PALM2AKAP2: variants seen among roughly 807,000 people sequenced by gnomAD.
The protein encoded by PALM2AKAP2 is PALM2-AKAP2 fusion protein.
In PALM2AKAP2, 37 loss-of-function variants were observed where a neutral mutation model predicts 71.5. The ratio of observed to expected loss-of-function variants is 0.52; its 90% CI spans 0.40 to 0.68. The LOEUF is 0.68. PALM2AKAP2 is among the 30% of genes least tolerant of loss of function. The pLI, the probability that PALM2AKAP2 is intolerant of heterozygous loss-of-function variation, is 0.00. For missense variants in PALM2AKAP2, 1,224 were observed against 1,191.8 expected (o/e 1.03, Z -0.40); for synonymous variants, 468 against 478.8 (o/e 0.98, Z 0.29).
intron 6 of PALM2AKAP2, among the ~76,000 whole-genome samples, chr9:109,991,942 G>A (rs892505296): frequency 2.0e-5 from 3 of 152,288 alleles, no homozygotes; most frequent in South Asian, 2.1e-4. Context: ...GCTCAGTGTC[G>A]AGAAGAACAT....
chr9:110,012,750 TCTC>T (rs913375137), intron 6 of PALM2AKAP2, among the ~76,000 whole-genome samples: 13 of 152,314 alleles, frequency 8.5e-5, no homozygotes, highest in Non-Finnish European at 1.5e-4. Flanking sequence ...ATGTCTCACA[TCTC>T]CTTCTTATGG....
chr9:109,736,024 A>C (rs748540863), intron 1 of PALM2AKAP2, among the ~76,000 whole-genome samples: 3 of 152,208 alleles, frequency 2.0e-5, no homozygotes, highest in Non-Finnish European at 2.9e-5. Flanking sequence ...TCCCAGCATA[A>C]GAAAGTTGCC....
At chr9:110,075,914 T>G (rs576976651) in intron 1 of PALM2AKAP2, among the ~76,000 whole-genome samples, 1 of 152,102 alleles carries the variant, frequency 6.6e-6, no homozygotes, top group Non-Finnish European at 1.5e-5. Context: ...TTTCTGAACC[T>G]TCTAAAAATA....
At chr9:109,791,464 G>C (rs753531046) in intron 1 of PALM2AKAP2, among the ~76,000 whole-genome samples, 1 of 152,126 alleles carries the variant, frequency 6.6e-6, no homozygotes, top group African/African-American at 2.4e-5. Context: ...AGTGGAGGGA[G>C]CCTTTTCCAG....
intron 3 of PALM2AKAP2, among the ~76,000 whole-genome samples, chr9:109,913,773 T>C (rs1345867677): frequency 1.3e-5 from 2 of 149,564 alleles, no homozygotes; most frequent in Non-Finnish European, 3.0e-5. Context: ...TTTTTTTTTT[T>C]TGAGACGGAG....
chr9:109,917,486 T>C (rs1830720739), intron 3 of PALM2AKAP2, among the ~76,000 whole-genome samples: 1 of 125,566 alleles, frequency 8.0e-6, no homozygotes. Context: ...CTCCTTTCCT[T>C]TTTTTTTTTT....
chr9:110,124,478 G>A (rs374065969), intron 1 of PALM2AKAP2, among the ~76,000 whole-genome samples: 18 of 152,180 alleles, frequency 1.2e-4, no homozygotes, highest in African/African-American at 3.6e-4. Context: ...AGTTCTGCCC[G>A]TAAGTTATGC....
chr9:109,699,090 G>T (rs1828015380), intron 1 of PALM2AKAP2, among the ~76,000 whole-genome samples: 1 of 152,164 alleles, frequency 6.6e-6, no homozygotes, highest in East Asian at 1.9e-4. Context: ...GGCAAGTCGT[G>T]CTTAAAAATA....
intron 1 of PALM2AKAP2, among the ~76,000 whole-genome samples, chr9:110,055,014 C>T (rs919449729): frequency 2.0e-5 from 3 of 152,166 alleles, no homozygotes; most frequent in African/African-American, 7.2e-5. Context: ...CCGCCCCTAC[C>T]CGCCAGCTGC....
At chr9:109,641,298 G>A (rs1315005915) in intron 1 of PALM2AKAP2, among the ~76,000 whole-genome samples, 2 of 152,222 alleles carry the variant, frequency 1.3e-5, no homozygotes, top group Admixed American at 6.5e-5. Context: ...GCGGTTCAGT[G>A]TGAAGCGTGT....
chr9:109,879,569 C>T (rs1829800017), intron 2 of PALM2AKAP2, among the ~76,000 whole-genome samples: 1 of 152,166 alleles, frequency 6.6e-6, no homozygotes, highest in Non-Finnish European at 1.5e-5. Flanking sequence ...TTTCAACATG[C>T]TTTTTTCTGG....
At chr9:110,038,746 C>T (rs943925883) in intron 7 of PALM2AKAP2, among the ~76,000 whole-genome samples, 5 of 151,534 alleles carry the variant, frequency 3.3e-5, no homozygotes, top group African/African-American at 1.2e-4. Context: ...CGAGACTGGC[C>T]TGTCCAACAT....
chr9:110,005,280 G>A (rs932405155), intron 6 of PALM2AKAP2, among the ~76,000 whole-genome samples: 2 of 152,210 alleles, frequency 1.3e-5, no homozygotes, highest in African/African-American at 4.8e-5. Context: ...TTGGAGTTTG[G>A]TGAAAGTCCA....
rs41307465 is a variant in PALM2AKAP2 at position 109,880,670 on chromosome 9, T to C, written c.246T>C (p.Asp82=). Residue 82 remains aspartate, a synonymous_variant, in exon 3 of 10, where the codon GAT becomes GAC. Coordinates refer to the PALM2AKAP2 transcript ENST00000302798. The stretch of plus-strand genomic sequence containing the variant: ...AGTTCAGAGTCAAGCAACTTGAAGA[T>C]AACATTCAGAGGTAGGTGGCTTCCA... 2,245 of 1,613,900 alleles carry C rather than the reference T, an allele frequency of 1.4e-3. 4 individuals are homozygous for C. Among genetic ancestry groups the C allele is most frequent in the Non-Finnish European group, 1.8e-3 (2,118 of 1,179,898 alleles).
chr9:109,947,278 A>G (rs770708926), intron 6 of PALM2AKAP2, among the ~76,000 whole-genome samples: 7 of 152,254 alleles, frequency 4.6e-5, no homozygotes, highest in Non-Finnish European at 1.0e-4. Flanking sequence ...TATTTTATCT[A>G]CAAGCAAGTA....
At chr9:109,964,125 T>C (rs1831900218) in intron 6 of PALM2AKAP2, among the ~76,000 whole-genome samples, 1 of 152,262 alleles carries the variant, frequency 6.6e-6, no homozygotes, top group East Asian at 1.9e-4. Context: ...TGAATTTGAT[T>C]TCAGATATTG....
chr9:109,848,851 C>T (rs1467145376), intron 1 of PALM2AKAP2, among the ~76,000 whole-genome samples: 1 of 146,102 alleles, frequency 6.8e-6, no homozygotes, highest in Admixed American at 6.8e-5. Flanking sequence ...CCCATGGGGT[C>T]GAGGCTGCAA....
chr9:109,683,594 C>A (rs143310574), intron 1 of PALM2AKAP2, among the ~76,000 whole-genome samples: 65 of 152,270 alleles, frequency 4.3e-4, no homozygotes, highest in African/African-American at 1.5e-3. Context: ...TGTTTTAAGT[C>A]ATCCAGTGTG....
intron 1 of PALM2AKAP2, among the ~76,000 whole-genome samples, chr9:110,095,973 C>T (rs759141348): frequency 1.3e-5 from 2 of 152,240 alleles, no homozygotes; most frequent in Non-Finnish European, 2.9e-5. Flanking sequence ...AATCAAGTCA[C>T]TGAATCATCA....
Sources: allele counts gnomAD v4.1 joint callset (sites outside exome capture counted in the v4.1 genomes callset), GRCh38; gene constraint gnomAD v4.1.1; transcripts MANE v1.5; gene names NCBI Gene and HGNC (gene_info 2026-07-23, HGNC 2026-07-21).